Variants in KPNA1 observed in about 807,000 individuals in gnomAD.
KPNA1 encodes the protein karyopherin subunit alpha 1, also known as importin subunit alpha-5.
In KPNA1, 10 loss-of-function variants were observed where a neutral mutation model predicts 70.5. The ratio of observed to expected loss-of-function variants is 0.14; its 90% CI spans 0.09 to 0.24. The LOEUF (loss-of-function observed/expected upper bound fraction) is 0.24. KPNA1 is among the 10% of genes least tolerant of loss of function. The pLI, the probability that KPNA1 is intolerant of heterozygous loss-of-function variation, is 1.00. For missense variants in KPNA1, 397 were observed against 637.9 expected (o/e 0.62, Z 4.07); for synonymous variants, 192 against 221.9 (o/e 0.87, Z 1.20).
chr3:122,432,270 G>C (rs1414846763), intron 12 of KPNA1, among the ~76,000 whole-genome samples: 1 of 152,094 alleles, frequency 6.6e-6, no homozygotes, highest in African/African-American at 2.4e-5. Context: ...TCAGAATTTT[G>C]GAGGTTGGAA....
chr3:122,428,983 T>C (rs1018949005), intron 12 of KPNA1, among the ~76,000 whole-genome samples: 4 of 152,072 alleles, frequency 2.6e-5, no homozygotes, highest in African/African-American at 9.7e-5. Flanking sequence ...CAACAAAACA[T>C]TATCAAATCA....
intron 5 of KPNA1, 28 bp from the exon 6 acceptor site, chr3:122,454,029 T>A: frequency 6.8e-7 from 1 of 1,480,786 alleles, no homozygotes; most frequent in East Asian, 2.5e-5. Flanking sequence ...ATTTTCATTA[T>A]CTTTTTAGAA....
At chr3:122,442,187 T>A in intron 9 of KPNA1, 71 bp from the exon 10 acceptor site, 5 of 1,206,318 alleles carry the variant, frequency 4.1e-6, no homozygotes, top group African/African-American at 3.0e-5. Context: ...AAGACCAAAA[T>A]TAAAAAACAA....
chr3:122,491,539 A>C (rs368199451), intron 2 of KPNA1, among the ~76,000 whole-genome samples: 170 of 152,336 alleles, frequency 1.1e-3, no homozygotes, highest in African/African-American at 3.9e-3. Flanking sequence ...TAGCCAAAAG[A>C]AGCACAAACA....
At position 122,430,663 on chromosome 3, in the gene KPNA1, T is replaced by C. The variant is rs553845738; in HGVS notation, c.1251-2947A>G. Among the ~76,000 whole-genome samples the C allele has an allele frequency of 3.0e-4, 45 of 152,030 alleles. No homozygotes were observed. The South Asian group carries it at 5.0e-3, about 17-fold the overall frequency. On this transcript the variant is annotated intron_variant, in intron 12 of 13. Coordinates refer to ENST00000344337, the MANE Select transcript of KPNA1 (RefSeq NM_002264.4). ...CATGCACAGACCCACACAAAAAGAATAGAAAGCCCAGAAACACACCCGCAC... is the reference window on the plus strand; with the variant it reads ...CATGCACAGACCCACACAAAAAGAACAGAAAGCCCAGAAACACACCCGCAC...
chr3:122,439,724 G>C (rs2076038666), intron 10 of KPNA1, among the ~76,000 whole-genome samples: 1 of 152,116 alleles, frequency 6.6e-6, no homozygotes, highest in South Asian at 2.1e-4. Context: ...AGGACAGTCG[G>C]AGGATGGATG....
Position 122,427,618 on chromosome 3 carries a change from A to G in KPNA1, c.1349T>C (p.Ile450Thr). 1.2e-6 allele frequency: 2 copies of G among 1,614,138 alleles called. No homozygotes were observed. Among genetic ancestry groups the G allele is most frequent in the Non-Finnish European group, 1.7e-6 (2 of 1,179,994 alleles). Residue 450 changes from isoleucine (I) to threonine (T), a missense_variant, in exon 13 of 14, where the codon ATC (isoleucine) becomes ACC (threonine). Transcript: ENST00000344337. ...VQVALNGLEN[I>T]LRLGEQEAKR... ...GGCTTCCTGTTCTCCAAGCCTCAGGATATTTTCCAAGCCATTTAGGGCAAC... is the reference window on the plus strand; with the variant it reads ...GGCTTCCTGTTCTCCAAGCCTCAGGGTATTTTCCAAGCCATTTAGGGCAAC...
intron 2 of KPNA1, among the ~76,000 whole-genome samples, chr3:122,469,849 A>G (rs2107751986): frequency 6.6e-6 from 1 of 152,378 alleles, no homozygotes; most frequent in South Asian, 2.1e-4. Context: ...ATGCCAGAAG[A>G]AAGTGAAGTG....
At chr3:122,457,836 A>G (rs2076280559) in intron 5 of KPNA1, 1 of 1,289,526 alleles carries the variant, frequency 7.8e-7, no homozygotes, top group Non-Finnish European at 1.0e-6. Context: ...TTCCTAGCAA[A>G]TGCCAGGCTC....
At chr3:122,455,851 C>T (rs1321135981) in intron 5 of KPNA1, among the ~76,000 whole-genome samples, 1 of 152,120 alleles carries the variant, frequency 6.6e-6, no homozygotes, top group Non-Finnish European at 1.5e-5. Context: ...CCACCGCACC[C>T]GGCCACTTTA....
chr3:122,503,092 G>C (rs1038760101), intron 1 of KPNA1, among the ~76,000 whole-genome samples: 5 of 151,894 alleles, frequency 3.3e-5, no homozygotes, highest in African/African-American at 1.2e-4. Context: ...CAAAAAAAAA[G>C]ATTCGTTAAG....
intron 12 of KPNA1, among the ~76,000 whole-genome samples, chr3:122,428,509 GGAGAA>G (rs1221286648): frequency 1.3e-5 from 2 of 151,988 alleles, no homozygotes; most frequent in East Asian, 1.9e-4. Flanking sequence ...CAAGAAAAAA[GGAGAA>G]AAGACAAAAT....
chr3:122,494,677 G>A lies in KPNA1; in HGVS notation c.129+1760C>T, dbSNP rs139002413. On this transcript the variant is annotated intron_variant, in intron 2 of 13. Coordinates refer to ENST00000344337, the MANE Select transcript of KPNA1 (RefSeq NM_002264.4). ...TTCTTATTCTGTGAAGAATGACACTGGTAATTGGACAGAAATTGCACTGAA... is the reference window on the plus strand; with the variant it reads ...TTCTTATTCTGTGAAGAATGACACTAGTAATTGGACAGAAATTGCACTGAA... 9.0e-3 allele frequency among the ~76,000 whole-genome samples: 1,375 copies of A among 152,104 alleles called. 25 individuals carry two copies. The highest frequency in any genetic ancestry group is 8.8e-3 in the Non-Finnish European group (601 of 68,004).
In KPNA1 at chr3:122,478,148, G is replaced by A. The variant is rs192251892; in HGVS notation, c.130-10719C>T. ...CTGCACTCCAGCCTGGCAACAGAGC[G>A]AGATGCTGTCTCAAAAAAAAAAAAA... On this transcript the variant is annotated intron_variant, in intron 2 of 13. Coordinates refer to ENST00000344337, the MANE Select transcript of KPNA1 (RefSeq NM_002264.4). Among the ~76,000 whole-genome samples the A allele has an allele frequency of 3.4e-4, 46 of 135,098 alleles. No homozygotes were observed. In the South Asian group the frequency reaches 5.7e-3, roughly 17 times the overall value. The allele number at this position is 135,098 out of a possible 152,430, so 88.6% of individuals were successfully genotyped here. A position where few individuals can be genotyped will look rare whatever the true frequency, so the allele number is the denominator to read the frequency against.
chr3:122,477,307 G>C (rs539773859), intron 2 of KPNA1, among the ~76,000 whole-genome samples: 1 of 152,146 alleles, frequency 6.6e-6, no homozygotes, highest in Non-Finnish European at 1.5e-5. Context: ...TTGGTGAAGG[G>C]ATACAAAATT....
chr3:122,503,170 T>C (rs2076849300), intron 1 of KPNA1, among the ~76,000 whole-genome samples: 1 of 151,994 alleles, frequency 6.6e-6, no homozygotes, highest in African/African-American at 2.4e-5. Flanking sequence ...AACCTAAAAT[T>C]AGACTTAAGG....
At chr3:122,472,117 C>T (rs990933767) in intron 2 of KPNA1, among the ~76,000 whole-genome samples, 3 of 152,066 alleles carry the variant, frequency 2.0e-5, no homozygotes, top group Middle Eastern at 3.2e-3. Context: ...CAGATTATGT[C>T]ACAGAAGAAA....
chr3:122,475,483 C>A (rs1330888587), intron 2 of KPNA1, among the ~76,000 whole-genome samples: 1 of 152,116 alleles, frequency 6.6e-6, no homozygotes, highest in Non-Finnish European at 1.5e-5. Flanking sequence ...ACATTTCTCA[C>A]AGAAATTTTT....
intron 2 of KPNA1, among the ~76,000 whole-genome samples, chr3:122,488,517 T>C (rs2076656231): frequency 6.6e-6 from 1 of 152,208 alleles, no homozygotes; most frequent in Non-Finnish European, 1.5e-5. Flanking sequence ...AATGAGACTC[T>C]GTCTCCAGAA....
Sources: gnomAD v4.1 joint callset for allele counts (sites outside exome capture counted in the v4.1 genomes callset) on GRCh38, gnomAD v4.1.1 for gene constraint, MANE v1.5 for transcripts, NCBI Gene and HGNC (gene_info 2026-07-23, HGNC 2026-07-21) for gene names.